Variants in TSGA13 observed in about 807,000 individuals in gnomAD.
TSGA13 encodes testis-specific gene 13 protein.
TSGA13 carries 37 observed loss-of-function variants against 35.1 expected under a neutral mutation model. The ratio of observed to expected loss-of-function variants is 1.05; its 90% CI spans 0.81 to 1.39. TSGA13 has a LOEUF of 1.39. Among genes scored for constraint, TSGA13 ranks in the 40% most tolerant of loss-of-function variants. TSGA13 has a pLI of 0.00. For missense variants in TSGA13, 338 were observed against 328.5 expected (o/e 1.03, Z -0.22); for synonymous variants, 124 against 121.2 (o/e 1.02, Z -0.15).
chr7:130,668,898 C>T lies in TSGA13; in HGVS notation c.*116G>A, dbSNP rs532284216. The T allele has an allele frequency of 1.6e-4, 239 of 1,458,692 alleles. No individual in the cohort carries two copies. The African/African-American group carries it at 3.0e-3, about 18-fold the overall frequency. The allele number at this position is 1,458,692 out of a possible 1,614,324, so 90.4% of individuals were successfully genotyped here. A position where few individuals can be genotyped will look rare whatever the true frequency, so the allele number is the denominator to read the frequency against. ...GGAGACTTCGGCTCGACCCTCCCGG[C>T]TTGCGACCCGGGAGCCCACGCCCGC... On this transcript the variant is annotated 3_prime_UTR_variant, in exon 8 of 8. Transcript: ENST00000356588.
In TSGA13 at chr7:130,671,680, C is replaced by T. The variant is rs143412237; in HGVS notation, c.639G>A (p.Glu213=). Residue 213 remains glutamate, a synonymous_variant, in exon 7 of 8, where the codon GAG becomes GAA. Transcript: ENST00000356588. ...YPQLTFAPVH[E]RDMRKDASKK... ...GCTTACCATCTTTCCTCATATCTCT[C>T]TCATGGACTGGAGCAAAGGTGAGCT... is the stretch of plus-strand genomic sequence containing the variant. 7 of 1,598,860 alleles carry T rather than the reference C, an allele frequency of 4.4e-6. No individual in the cohort carries two copies. Among genetic ancestry groups the T allele is most frequent in the African/African-American group, 1.3e-5 (1 of 74,332 alleles).
intron 4 of TSGA13, 22 bp downstream of exon 4, chr7:130,680,924 G>T (rs782139858): frequency 6.2e-7 from 1 of 1,612,014 alleles, no homozygotes; most frequent in South Asian, 1.1e-5. Context: ...AGAGATCTTG[G>T]GGGAATGCTT....
chr7:130,684,692 C>T (rs1349164509), intron 2 of TSGA13, among the ~76,000 whole-genome samples: 7 of 152,134 alleles, frequency 4.6e-5, no homozygotes, highest in Non-Finnish European at 1.0e-4. Context: ...TGTTGCTGGC[C>T]ACCAGTTGCA....
intron 1 of TSGA13, 56 bp from the exon 2 acceptor site, chr7:130,685,416 C>A: frequency 7.6e-7 from 1 of 1,323,472 alleles, no homozygotes; most frequent in Non-Finnish European, 9.7e-7. Flanking sequence ...AGAAAATGCA[C>A]AAGACATGAT....
chr7:130,673,823 C>G (rs868969595), intron 5 of TSGA13, among the ~76,000 whole-genome samples: 1 of 152,182 alleles, frequency 6.6e-6, no homozygotes, highest in South Asian at 2.1e-4. Context: ...CAACCAGGCA[C>G]GGTGGCTCAT....
intron 6 of TSGA13, among the ~76,000 whole-genome samples, 164 bp from the exon 7 acceptor site, chr7:130,671,952 A>G (rs1796283482): frequency 6.6e-6 from 1 of 151,888 alleles, no homozygotes; most frequent in African/African-American, 2.4e-5. Context: ...GTGCAGTGGC[A>G]TGATCTTGGT....
chr7:130,680,821 C>T (rs1796527596), intron 4 of TSGA13, 125 bp downstream of exon 4: 1 of 879,268 alleles, frequency 1.1e-6, no homozygotes, highest in Admixed American at 2.2e-5. Flanking sequence ...CCTGCCTGTC[C>T]TAAGAGTACG....
rs148651845 is a variant in TSGA13, at chr7:130,679,362, C to G, written c.180G>C (p.Gln60His). The change falls in exon 5 of 8, where the codon CAG (glutamine) becomes CAC (histidine). Residue 60 changes from glutamine to histidine, a missense_variant. Coordinates refer to ENST00000356588, the MANE Select transcript of TSGA13 (RefSeq NM_052933.4). ...RHYTVHPNLA[Q>H]YYKPLKATAL... Reference sequence around the variant, plus strand: ...CAGTGGCCTTCAAAGGCTTATAGTACTGGGCCTGAACAGACAGAAAGGTTT... The same window carrying G: ...CAGTGGCCTTCAAAGGCTTATAGTAGTGGGCCTGAACAGACAGAAAGGTTT... 6 of 1,609,800 alleles carry G rather than the reference C, an allele frequency of 3.7e-6. No individual in the cohort carries two copies. The highest frequency in any genetic ancestry group is 5.1e-6 in the Non-Finnish European group (6 of 1,177,822).
At chr7:130,670,768 A>C (rs557275708) in intron 7 of TSGA13, among the ~76,000 whole-genome samples, 1 of 152,042 alleles carries the variant, frequency 6.6e-6, no homozygotes, top group Non-Finnish European at 1.5e-5. Context: ...CTACAGGTGC[A>C]TGCCGCCACA....
At chr7:130,685,149 T>C in intron 2 of TSGA13, 39 bp downstream of exon 2, 2 of 1,584,082 alleles carry the variant, frequency 1.3e-6, no homozygotes, top group Non-Finnish European at 1.7e-6. Flanking sequence ...TAATATAAAG[T>C]GGTGTTTATA....
chr7:130,680,564 G>A (rs181145547), intron 4 of TSGA13, among the ~76,000 whole-genome samples: 36 of 151,984 alleles, frequency 2.4e-4, no homozygotes, highest in Non-Finnish European at 4.0e-4. Context: ...CTTAAGGTGT[G>A]GGTGAGGAAG....
At chr7:130,679,499 G>C in intron 4 of TSGA13, 132 bp from the exon 5 acceptor site, 1 of 811,728 alleles carries the variant, frequency 1.2e-6, no homozygotes, top group Non-Finnish European at 1.9e-6. Flanking sequence ...AAATCTGTAG[G>C]GTTTTTTGGT....
intron 7 of TSGA13, among the ~76,000 whole-genome samples, chr7:130,669,937 T>A (rs1796215922): frequency 6.6e-6 from 1 of 152,192 alleles, no homozygotes; most frequent in South Asian, 2.1e-4. Flanking sequence ...TTCCTCTTCC[T>A]TGGCCCAAGG....
intron 2 of TSGA13, among the ~76,000 whole-genome samples, chr7:130,684,419 A>G (rs1418055258): frequency 2.0e-5 from 3 of 152,212 alleles, no homozygotes; most frequent in African/African-American, 7.2e-5. Flanking sequence ...CCTCAGTAAG[A>G]TTTGGTTAAT....
At position 130,685,178 on chromosome 7, in the gene TSGA13, G is replaced by A. The variant is rs1373373539; in HGVS notation, c.23+10C>T. On this transcript the variant is annotated intron_variant, in intron 2 of 7. Coordinates refer to ENST00000356588, the MANE Select transcript of TSGA13 (RefSeq NM_052933.4). ...GTTTATAACTTAGTTGGGCAAACAA[G>A]ACTACATACTTGGTTTGTCTCTTTT... is the stretch of plus-strand genomic sequence containing the variant. 6.2e-7 allele frequency: 1 copy of A among 1,612,778 alleles called. No individual in the cohort carries two copies. The highest frequency in any genetic ancestry group is 8.5e-7 in the Non-Finnish European group (1 of 1,178,938).
At position 130,668,886 on chromosome 7, in the gene TSGA13, C is replaced by A. The variant is rs116661224; in HGVS notation, c.*128G>T. ...TTGCGGCCCGCCGGAGACTTCGGCT[C>A]GACCCTCCCGGCTTGCGACCCGGGA... On this transcript the variant is annotated 3_prime_UTR_variant, in exon 8 of 8. Coordinates refer to ENST00000356588, the MANE Select transcript of TSGA13 (RefSeq NM_052933.4). The A allele has an allele frequency of 7.7e-6, 11 of 1,428,284 alleles. No homozygotes were observed. The highest frequency in any genetic ancestry group is 1.5e-5 in the African/African-American group (1 of 68,566). The allele number at this position is 1,428,284 out of a possible 1,614,324, so 88.5% of individuals were successfully genotyped here.
chr7:130,682,978 CAT>C (rs1420730597), intron 3 of TSGA13, among the ~76,000 whole-genome samples: 3 of 152,096 alleles, frequency 2.0e-5, no homozygotes, highest in Non-Finnish European at 4.4e-5. Context: ...TATTTAGAAT[CAT>C]AGAAGTTAGG....
rs782616609 is a variant in TSGA13, at chr7:130,672,800, T to TTAGATCGC, written c.463_464insGCGATCTA (p.Lys155SerfsTer5). The stretch of plus-strand genomic sequence containing the variant: ...TATCAAAGGGAAGATTGGTTTCAGC[T>TTAGATCGC]TAGATCTTAACTTTTTTTTCTGAGG... On this transcript the variant is annotated frameshift_variant, in exon 6 of 8. Transcript: ENST00000356588. LOFTEE classifies it high-confidence loss of function. 1.4e-4 allele frequency: 233 copies of TTAGATCGC among 1,614,072 alleles called. No individual in the cohort carries two copies. Among genetic ancestry groups the TTAGATCGC allele is most frequent in the Non-Finnish European group, 1.9e-4 (219 of 1,180,030 alleles).
chr7:130,674,044 G>A (rs574544363), intron 5 of TSGA13, among the ~76,000 whole-genome samples: 5 of 150,586 alleles, frequency 3.3e-5, no homozygotes, highest in South Asian at 4.2e-4. Context: ...GCAGTGAGCC[G>A]AGATCACACC....
Sources: gnomAD v4.1 joint callset for allele counts (sites outside exome capture counted in the v4.1 genomes callset) on GRCh38, gnomAD v4.1.1 for gene constraint, MANE v1.5 for transcripts, NCBI Gene and HGNC (gene_info 2026-07-23, HGNC 2026-07-21) for gene names.